The following CRYL1 variants were observed in gnomAD, a reference collection of about 807,000 sequenced individuals.
CRYL1 encodes lambda-crystallin homolog.
Under a neutral mutation model 36.6 loss-of-function variants are expected in CRYL1, and 29 were observed. That is an observed-to-expected ratio of 0.79 (90% confidence interval 0.59 to 1.08). The LOEUF is 1.08. CRYL1 is among the 50% of genes least tolerant of loss of function. The pLI is 0.00. For missense variants in CRYL1, 411 were observed against 407.9 expected (o/e 1.01, Z -0.06); for synonymous variants, 152 against 151.5 (o/e 1.00, Z -0.02).
chr13:20,444,796 A>C (rs1565966283), intron 3 of CRYL1, among the ~76,000 whole-genome samples: 1 of 152,222 alleles, frequency 6.6e-6, no homozygotes, highest in Admixed American at 6.5e-5. Context: ...GGCTCACTGC[A>C]ACCTCTGCCT....
chr13:20,426,040 T>C (rs1004127295), intron 5 of CRYL1, among the ~76,000 whole-genome samples: 18 of 151,998 alleles, frequency 1.2e-4, no homozygotes, highest in African/African-American at 4.4e-4. Flanking sequence ...CTCATCACAA[T>C]TTGCATCCCT....
chr13:20,489,380 A>T lies in CRYL1; in HGVS notation c.266T>A (p.Met89Lys). Residue 89 changes from methionine to lysine, a missense_variant, in exon 3 of 8, where the codon ATG (methionine) becomes AAG (lysine). Physicochemically the swap from Met to Lys is moderately conservative, Grantham distance 95 (BLOSUM62 -1). Coordinates refer to ENST00000298248, the MANE Select transcript of CRYL1 (RefSeq NM_015974.3). ...GTGTCCTTCACTCACCTGAATGTGCATGGCACCCTCTACTGCTTCTTGGAT... is the reference window on the plus strand; with the variant it reads ...GTGTCCTTCACTCACCTGAATGTGCTTGGCACCCTCTACTGCTTCTTGGAT... ...PNIQEAVEGA[M>K]HIQECVPEDL... 6.2e-7 allele frequency: 1 copy of T among 1,613,442 alleles called. No homozygotes were observed. The highest frequency in any genetic ancestry group is 8.5e-7 in the Non-Finnish European group (1 of 1,180,006).
intron 4 of CRYL1, chr13:20,433,636 CG>C (rs1230475300): frequency 6.5e-6 from 1 of 154,084 alleles, no homozygotes; most frequent in Non-Finnish European, 1.5e-5. Context: ...CTTATAGAAA[CG>C]CTTAACCTCT....
intron 5 of CRYL1, among the ~76,000 whole-genome samples, chr13:20,417,137 A>C (rs2031688695): frequency 6.6e-6 from 1 of 152,194 alleles, no homozygotes; most frequent in African/African-American, 2.4e-5. Flanking sequence ...CATGTCCCCA[A>C]GGCAAACGTT....
chr13:20,486,200 C>T (rs9550654), intron 3 of CRYL1, among the ~76,000 whole-genome samples: 31,468 of 152,086 alleles, frequency 0.21, 3,417 homozygotes, highest in Non-Finnish European at 0.25. Flanking sequence ...GGATTACAGG[C>T]GTGAGCCACC....
At chr13:20,444,830 A>T (rs2032421451) in intron 3 of CRYL1, among the ~76,000 whole-genome samples, 2 of 152,092 alleles carry the variant, frequency 1.3e-5, no homozygotes, top group South Asian at 4.1e-4. Context: ...GATTCTCCTG[A>T]CTCAGCCTCC....
At chr13:20,522,125 G>A (rs551015424) in intron 1 of CRYL1, among the ~76,000 whole-genome samples, 25 of 152,214 alleles carry the variant, frequency 1.6e-4, no homozygotes, top group Non-Finnish European at 3.1e-4. Flanking sequence ...TAGGGTGGGC[G>A]GATCAGTTGA....
intron 1 of CRYL1, among the ~76,000 whole-genome samples, chr13:20,516,721 C>T (rs1389955779): frequency 1.3e-5 from 2 of 152,022 alleles, no homozygotes; most frequent in Admixed American, 1.3e-4. Flanking sequence ...ACCTTGTGAT[C>T]CACCTGCCTT....
intron 3 of CRYL1, among the ~76,000 whole-genome samples, chr13:20,474,828 T>TA (rs1237500082): frequency 2.0e-5 from 3 of 152,072 alleles, no homozygotes; most frequent in African/African-American, 4.8e-5. Context: ...CAGCCTCCTT[T>TA]ACTTTCAGTA....
At chr13:20,439,957 C>T (rs2032318900) in intron 3 of CRYL1, 1 of 507,256 alleles carries the variant, frequency 2.0e-6, no homozygotes, top group Non-Finnish European at 3.5e-6. Flanking sequence ...CTCTCCTCCC[C>T]TAAAGCAAGC....
At chr13:20,475,159 C>T (rs914050176) in intron 3 of CRYL1, among the ~76,000 whole-genome samples, 2 of 152,136 alleles carry the variant, frequency 1.3e-5, no homozygotes, top group African/African-American at 2.4e-5. Flanking sequence ...GACAACTGGA[C>T]AGGGAGGAGG....
chr13:20,416,128 G>C lies in CRYL1; in HGVS notation c.634-2741C>G, dbSNP rs61957482. ...TCGCGCCTCAGCCTCGCCACGCTTG[G>C]TGTCCTCACCCTTGCAAAGTTTCGC... On this transcript the variant is annotated intron_variant, in intron 5 of 7. Transcript: ENST00000298248. Among the ~76,000 whole-genome samples the C allele has an allele frequency of 1.3e-3, 195 of 152,354 alleles. 1 individual carries two copies. The highest frequency in any genetic ancestry group is 2.8e-3 in the Admixed American group (43 of 15,302).
intron 2 of CRYL1, among the ~76,000 whole-genome samples, chr13:20,501,062 A>C (rs2137490871): frequency 6.6e-6 from 1 of 152,220 alleles, no homozygotes; most frequent in South Asian, 2.1e-4. Context: ...TTCCTGCTAT[A>C]TAAACCCCTG....
intron 5 of CRYL1, among the ~76,000 whole-genome samples, chr13:20,414,806 C>T (rs945315947): frequency 1.3e-5 from 2 of 152,194 alleles, no homozygotes; most frequent in Non-Finnish European, 2.9e-5. Flanking sequence ...AAGAGCTGCG[C>T]TCCACTGAGG....
chr13:20,477,779 A>G (rs1454415182), intron 3 of CRYL1, among the ~76,000 whole-genome samples: 2 of 146,180 alleles, frequency 1.4e-5, no homozygotes, highest in Admixed American at 1.4e-4. Flanking sequence ...ATTGTATAAT[A>G]GATAATATAT....
At chr13:20,409,801 A>G (rs1392927490) in intron 6 of CRYL1, among the ~76,000 whole-genome samples, 1 of 151,792 alleles carries the variant, frequency 6.6e-6, no homozygotes, top group Non-Finnish European at 1.5e-5. Context: ...ATCACTGGCC[A>G]TCAGAGAAAT....
At chr13:20,514,656 T>G (rs1193997646) in intron 1 of CRYL1, among the ~76,000 whole-genome samples, 1 of 152,190 alleles carries the variant, frequency 6.6e-6, no homozygotes, top group Non-Finnish European at 1.5e-5. Flanking sequence ...TAGCCAATAT[T>G]ATTAAAATTA....
At chr13:20,414,301 T>G (rs1009424036) in intron 5 of CRYL1, among the ~76,000 whole-genome samples, 2 of 152,028 alleles carry the variant, frequency 1.3e-5, no homozygotes, top group Admixed American at 6.6e-5. Flanking sequence ...CAAATTCACC[T>G]TTTCCATCCC....
At chr13:20,493,314 G>C (rs1167215590) in intron 2 of CRYL1, among the ~76,000 whole-genome samples, 1 of 152,220 alleles carries the variant, frequency 6.6e-6, no homozygotes, top group Non-Finnish European at 1.5e-5. Context: ...GGTGGTGGCT[G>C]CAGTAACCAG....
Sources: allele counts gnomAD v4.1 joint callset (sites outside exome capture counted in the v4.1 genomes callset), GRCh38; gene constraint gnomAD v4.1.1; transcripts MANE v1.5; gene names NCBI Gene and HGNC (gene_info 2026-07-23, HGNC 2026-07-21).